The following CD109 variants were observed in gnomAD, a reference collection of about 807,000 sequenced individuals.
CD109 encodes CD109 molecule.
A neutral mutation model predicts 165.8 loss-of-function variants in CD109; 149 were observed. The ratio of observed to expected loss-of-function variants is 0.90; its 90% CI spans 0.79 to 1.03. The LOEUF is 1.03. Ranked by LOEUF, CD109 falls within the 50% of genes least tolerant of loss-of-function variation. The pLI is 0.00. For missense variants in CD109, 1,712 were observed against 1,677.8 expected, an observed-to-expected ratio of 1.02 and a Z score of -0.36; for synonymous variants, 585 against 592.1, an observed-to-expected ratio of 0.99 and a Z score of 0.18.
intron 15 of CD109, among the ~76,000 whole-genome samples, chr6:73,777,208 C>T (rs1422595604): frequency 3.3e-5 from 5 of 151,956 alleles, no homozygotes; most frequent in African/African-American, 1.2e-4. Context: ...GATCTGCCTA[C>T]CTTGGCCTCC....
At position 73,806,845 on chromosome 6, in the gene CD109, T is replaced by G. The variant is rs1775583710; in HGVS notation, c.2962T>G (p.Leu988Val). 1 of 1,610,710 alleles carries G rather than the reference T, an allele frequency of 6.2e-7. No homozygotes were observed. Among genetic ancestry groups the G allele is most frequent in the African/African-American group, 1.3e-5 (1 of 74,818 alleles). The part of the protein sequence containing the change: ...GNYDPSGSTW[L>V]SAFVLRCFLE... ...TAATTTTTTTCTCTTTTCATAAAGGTTGTCAGCTTTTGTTTTAAGATGTTT... is the reference window on the plus strand; with the variant it reads ...TAATTTTTTTCTCTTTTCATAAAGGGTGTCAGCTTTTGTTTTAAGATGTTT... Residue 988 changes from leucine (L) to valine (V), a missense_variant and splice_region_variant, in exon 25 of 33, where the codon TTG becomes GTG. By Grantham distance (32) the Leu-to-Val change is conservative. Transcript: ENST00000287097.
intron 14 of CD109, among the ~76,000 whole-genome samples, chr6:73,769,255 AT>A (rs1298631847): frequency 1.3e-5 from 2 of 152,232 alleles, no homozygotes; most frequent in Non-Finnish European, 2.9e-5. Context: ...ACAAACTTCT[AT>A]TTTTTTAGCT....
In CD109 at chr6:73,762,263, A is replaced by G. The variant is rs1773665979; in HGVS notation, c.759-121A>G. 5 of 696,354 alleles carry G rather than the reference A, an allele frequency of 7.2e-6. No individual in the cohort carries two copies. The East Asian group carries it at 1.4e-4, about 20-fold the overall frequency. 43.1% of individuals were successfully genotyped at this position (696,354 alleles called of 1,614,324 possible). On this transcript the variant is annotated intron_variant, in intron 7 of 32. Coordinates refer to ENST00000287097, the MANE Select transcript of CD109 (RefSeq NM_133493.5). The stretch of plus-strand genomic sequence containing the variant: ...GGCGTGAGCCACCGCTCCCAGCCCA[A>G]TGTAATTTTTTAAAATGTTAGATTG...
upstream of CD109, among the ~76,000 whole-genome samples, chr6:73,693,322 G>A (rs183430364): frequency 2.0e-5 from 3 of 152,238 alleles, no homozygotes; most frequent in East Asian, 5.8e-4. Context: ...AGAGAAGCAG[G>A]AGGTGCCAGG....
chr6:73,818,570 G>A (rs3005506), intron 31 of CD109, 35 bp downstream of exon 31: 854,809 of 1,587,418 alleles, frequency 0.54, 231,429 homozygotes, highest in African/African-American at 0.66. Context: ...TGTTGACAAA[G>A]CCACTGTGTT....
At chr6:73,783,920 GT>G in intron 19 of CD109, 96 bp downstream of exon 19, 1 of 650,900 alleles carries the variant, frequency 1.5e-6, no homozygotes, top group Non-Finnish European at 2.7e-6. Context: ...TGCTTATAAT[GT>G]TTATCACAGT....
intron 24 of CD109, 86 bp downstream of exon 24, chr6:73,803,387 C>A: frequency 1.1e-6 from 1 of 912,616 alleles, no homozygotes; most frequent in Non-Finnish European, 1.8e-6. Context: ...ACAGATATAT[C>A]TCTATATATT....
intron 25 of CD109, 103 bp downstream of exon 25, chr6:73,807,175 C>T (rs955122299): frequency 7.4e-6 from 6 of 807,524 alleles, no homozygotes; most frequent in African/African-American, 5.2e-5. Context: ...TGCAGCTTTA[C>T]AACACATGTG....
intron 15 of CD109, among the ~76,000 whole-genome samples, chr6:73,771,908 A>G (rs1393262422): frequency 6.6e-6 from 1 of 152,216 alleles, no homozygotes. Context: ...CTAAAAGAGT[A>G]GATTTGAAAT....
At chr6:73,743,739 A>C (rs1772875844) in intron 5 of CD109, among the ~76,000 whole-genome samples, 1 of 152,254 alleles carries the variant, frequency 6.6e-6, no homozygotes, top group Non-Finnish European at 1.5e-5. Flanking sequence ...AACAGAAAGC[A>C]TGGAGCAAAA....
chr6:73,771,338 C>T (rs184625458), intron 14 of CD109, 91 bp from the exon 15 acceptor site: 5 of 974,408 alleles, frequency 5.1e-6, no homozygotes, highest in Non-Finnish European at 4.6e-6. Flanking sequence ...AATGTAGAAT[C>T]TTTGCTATAT....
At chr6:73,776,346 AG>A (rs910024832) in intron 15 of CD109, among the ~76,000 whole-genome samples, 1 of 151,244 alleles carries the variant, frequency 6.6e-6, no homozygotes, top group Admixed American at 6.6e-5. Context: ...TCTGCCTCCC[AG>A]GTTCAAGTAA....
At chr6:73,803,766 G>A (rs1775469224) in intron 24 of CD109, among the ~76,000 whole-genome samples, 1 of 151,964 alleles carries the variant, frequency 6.6e-6, no homozygotes, top group Non-Finnish European at 1.5e-5. Flanking sequence ...CTCCAGACTG[G>A]AATCTCTATG....
At chr6:73,743,623 C>T (rs1190983371) in intron 5 of CD109, among the ~76,000 whole-genome samples, 3 of 152,284 alleles carry the variant, frequency 2.0e-5, no homozygotes, top group Middle Eastern at 3.4e-3. Flanking sequence ...ATCTCTGGAG[C>T]CGTTTTTCTT....
At chr6:73,793,115 A>G (rs1775034684) in intron 23 of CD109, among the ~76,000 whole-genome samples, 2 of 152,226 alleles carry the variant, frequency 1.3e-5, no homozygotes, top group African/African-American at 2.4e-5. Flanking sequence ...ATACTCATTC[A>G]TTTTATTACA....
At position 73,696,339 on chromosome 6, in the gene CD109, C is replaced by T. The variant is rs1770837680; in HGVS notation, c.74+50C>T. The T allele has an allele frequency of 3.0e-6, 4 of 1,353,514 alleles. No homozygotes were observed. In the East Asian group the frequency reaches 1.2e-4, roughly 41 times the overall value. The allele number at this position is 1,353,514 out of a possible 1,614,324, so 83.8% of individuals were successfully genotyped here. On this transcript the variant is annotated intron_variant, in intron 1 of 32. Coordinates refer to ENST00000287097, the MANE Select transcript of CD109 (RefSeq NM_133493.5). Reference sequence around the variant, plus strand: ...CGCGCGGGCGCGCGGGCCTGGGCCGCTCTGCGGCTCTGGGCCAGGGCTTCG... The same window carrying T: ...CGCGCGGGCGCGCGGGCCTGGGCCGTTCTGCGGCTCTGGGCCAGGGCTTCG...
intron 32 of CD109, 147 bp downstream of exon 32, chr6:73,820,710 GCATTC>G (rs1776078886): frequency 2.1e-6 from 1 of 479,700 alleles, no homozygotes; most frequent in East Asian, 3.3e-5. Context: ...CAGGAAGTGA[GCATTC>G]CATTTCAGTG....
intron 28 of CD109, 58 bp from the exon 29 acceptor site, chr6:73,812,147 T>A: frequency 2.6e-6 from 3 of 1,145,892 alleles, no homozygotes; most frequent in Non-Finnish European, 2.6e-6. Flanking sequence ...GTTTTGCTAC[T>A]TGGAAGGATC....
chr6:73,792,676 C>T lies in CD109; in HGVS notation c.2752C>T (p.Pro918Ser). ...INGLASLIRM[P>S]YGCGEQNMIN... is the part of the protein sequence containing the mutation. ...TGGCTTAGCCTCATTGATTCGGATG[C>T]CTTATGGCTGTGGTGAACAGAACAT... The change falls in exon 23 of 33, where the codon CCT (proline) becomes TCT (serine). Residue 918 changes from proline (P) to serine (S), a missense_variant. Transcript: ENST00000287097. The T allele has an allele frequency of 6.2e-7, 1 of 1,613,286 alleles. No individual in the cohort carries two copies. The highest frequency in any genetic ancestry group is 8.5e-7 in the Non-Finnish European group (1 of 1,179,930).
Sources: gnomAD v4.1 joint callset for allele counts (sites outside exome capture counted in the v4.1 genomes callset) on GRCh38, gnomAD v4.1.1 for gene constraint, MANE v1.5 for transcripts, NCBI Gene and HGNC (gene_info 2026-07-23, HGNC 2026-07-21) for gene names.